Variants in NFASC observed in about 807,000 individuals in gnomAD.
NFASC encodes the protein neurofascin.
A neutral mutation model predicts 147.5 loss-of-function variants in NFASC; 43 were observed. That is an observed-to-expected ratio of 0.29 (90% CI 0.23 to 0.38). NFASC has a LOEUF of 0.38. Among genes scored for constraint, NFASC ranks in the 10% least tolerant of loss-of-function variants. The pLI is 1.00. For missense variants in NFASC, 1,320 were observed against 1,689.0 expected, an observed-to-expected ratio of 0.78 and a Z score of 3.83; for synonymous variants, 622 against 665.5, an observed-to-expected ratio of 0.93 and a Z score of 1.01.
intron 2 of NFASC, among the ~76,000 whole-genome samples, chr1:204,938,242 G>T (rs1373341780): frequency 6.6e-6 from 1 of 152,206 alleles, no homozygotes; most frequent in Admixed American, 6.5e-5. Flanking sequence ...AAACAGAAAA[G>T]CAGGCTGTGA....
At chr1:204,957,477 G>A (rs569396737) in intron 7 of NFASC, among the ~76,000 whole-genome samples, 179 bp from the exon 8 acceptor site, 1 of 152,336 alleles carries the variant, frequency 6.6e-6, no homozygotes, top group Non-Finnish European at 1.5e-5. Flanking sequence ...TACATCCTCT[G>A]CTTTCTGATC....
At chr1:204,998,332 C>T (rs796473761) in intron 25 of NFASC, 9 of 152,312 alleles carry the variant, frequency 5.9e-5, no homozygotes, top group African/African-American at 2.2e-4. Flanking sequence ...AGGAAGCACC[C>T]AGAACTCTTC....
chr1:205,012,675 T>TA (rs1352135680), intron 28 of NFASC, 122 bp from the exon 29 acceptor site: 7 of 776,650 alleles, frequency 9.0e-6, no homozygotes, highest in Admixed American at 3.7e-5. Flanking sequence ...GGTGCCTTGT[T>TA]AAAAAAGAGT....
intron 24 of NFASC, among the ~76,000 whole-genome samples, chr1:204,992,660 T>A (rs1403947950): frequency 6.6e-6 from 1 of 152,112 alleles, no homozygotes; most frequent in Non-Finnish European, 1.5e-5. Flanking sequence ...GAAGTTTACG[T>A]AAGTCTCTCC....
At chr1:205,014,720 C>G (rs1574545921) in intron 29 of NFASC, among the ~76,000 whole-genome samples, 1 of 152,214 alleles carries the variant, frequency 6.6e-6, no homozygotes, top group Non-Finnish European at 1.5e-5. Context: ...CCGCCCCTTC[C>G]ACTGGCTGGG....
chr1:204,832,536 A>C (rs901430335), intron 1 of NFASC, among the ~76,000 whole-genome samples: 16 of 152,160 alleles, frequency 1.1e-4, no homozygotes, highest in African/African-American at 3.6e-4. Flanking sequence ...GAAGCTATAC[A>C]CTTGACCACA....
chr1:204,829,009 C>T (rs1671419849), intron 1 of NFASC, among the ~76,000 whole-genome samples: 1 of 129,506 alleles, frequency 7.7e-6, no homozygotes, highest in Non-Finnish European at 1.7e-5. Flanking sequence ...CCCCTGCCCA[C>T]CCCAACACCC....
chr1:205,013,013 G>T, intron 29 of NFASC, 147 bp downstream of exon 29: 2 of 656,330 alleles, frequency 3.0e-6, no homozygotes, highest in Non-Finnish European at 2.8e-6. Context: ...CTCTGGTGGC[G>T]CTGTGGTGGA....
At chr1:204,849,193 T>C (rs2075442422) in intron 1 of NFASC, among the ~76,000 whole-genome samples, 1 of 152,194 alleles carries the variant, frequency 6.6e-6, no homozygotes, top group South Asian at 2.1e-4. Flanking sequence ...CAACCATGTG[T>C]GTTTGAGCCT....
At chr1:204,980,968 G>T (rs2095499563) in intron 20 of NFASC, among the ~76,000 whole-genome samples, 2 of 152,356 alleles carry the variant, frequency 1.3e-5, no homozygotes, top group South Asian at 4.1e-4. Context: ...CTGGCTCACT[G>T]ACTACATTTT....
At chr1:204,963,281 G>A (rs936930630) in intron 8 of NFASC, among the ~76,000 whole-genome samples, 1 of 152,192 alleles carries the variant, frequency 6.6e-6, no homozygotes, top group Non-Finnish European at 1.5e-5. Flanking sequence ...TGGATTCTAA[G>A]CATTGTTTGT....
At chr1:204,966,130 A>C (rs2150191583) in intron 8 of NFASC, among the ~76,000 whole-genome samples, 1 of 152,108 alleles carries the variant, frequency 6.6e-6, no homozygotes, top group East Asian at 1.9e-4. Flanking sequence ...CTCCTTCTTT[A>C]GGATAATTCT....
intron 7 of NFASC, among the ~76,000 whole-genome samples, chr1:204,955,251 T>TTATTATAAGAC (rs2150025448): frequency 6.6e-6 from 1 of 152,290 alleles, no homozygotes; most frequent in South Asian, 2.1e-4. Flanking sequence ...TCTAATAGGA[T>TTATTATAAGAC]TATTATAAGA....
At chr1:204,865,961 C>T (rs1001104605) in intron 1 of NFASC, among the ~76,000 whole-genome samples, 1 of 152,190 alleles carries the variant, frequency 6.6e-6, no homozygotes, top group Non-Finnish European at 1.5e-5. Flanking sequence ...TTGTACCACA[C>T]CCTTATCAAT....
intron 26 of NFASC, among the ~76,000 whole-genome samples, chr1:205,002,193 C>T (rs1363469256): frequency 6.6e-6 from 1 of 152,242 alleles, no homozygotes; most frequent in Non-Finnish European, 1.5e-5. Context: ...AGTCCCAGCT[C>T]ATCTCTGGTT....
At chr1:204,943,840 A>G (rs1001222630) in intron 2 of NFASC, among the ~76,000 whole-genome samples, 3 of 152,200 alleles carry the variant, frequency 2.0e-5, no homozygotes, top group African/African-American at 7.2e-5. Flanking sequence ...CAATAGGCCA[A>G]TGTTTGTTTT....
In NFASC at chr1:205,012,656, G is replaced by T. The variant is rs887080953; in HGVS notation, c.3422-141G>T. 1.6e-5 allele frequency: 11 copies of T among 705,098 alleles called. No individual in the cohort carries two copies. In the Admixed American group the frequency reaches 2.1e-4, roughly 13 times the overall value. 43.7% of individuals were successfully genotyped at this position (705,098 alleles called of 1,614,324 possible). On this transcript the variant is annotated intron_variant, in intron 28 of 29. Coordinates refer to ENST00000339876, the MANE Select transcript of NFASC (RefSeq NM_001005388.3). ...GAGTACAGGAAGCAAAAACAAGGGA[G>T]GCGTGGATGGTGCCTTGTTAAAAAA...
intron 3 of NFASC, chr1:204,946,171 G>A (rs1484187538): frequency 3.9e-5 from 15 of 384,536 alleles, no homozygotes; most frequent in Non-Finnish European, 7.6e-5. Flanking sequence ...TTGTGTTCGC[G>A]GAAACTCAAG....
intron 1 of NFASC, among the ~76,000 whole-genome samples, chr1:204,850,050 G>A (rs2075538734): frequency 6.6e-6 from 1 of 152,188 alleles, no homozygotes; most frequent in Admixed American, 6.5e-5. Flanking sequence ...CTTCTCCCGA[G>A]GGGCACACAG....
Sources: gnomAD v4.1 joint callset for allele counts (sites outside exome capture counted in the v4.1 genomes callset) on GRCh38, gnomAD v4.1.1 for gene constraint, MANE v1.5 for transcripts, NCBI Gene and HGNC (gene_info 2026-07-23, HGNC 2026-07-21) for gene names.